Variants in TDRP observed in about 807,000 individuals in gnomAD.
TDRP encodes testis development related protein.
In TDRP, 12 loss-of-function variants were observed where a neutral mutation model predicts 10.5. That is an observed-to-expected ratio of 1.15 (90% confidence interval 0.73 to 1.86). TDRP has a LOEUF of 1.86. Among genes scored for constraint, TDRP ranks in the 40% most tolerant of loss-of-function variants. The pLI is 0.00. For missense variants in TDRP, 353 were observed against 229.2 expected (o/e 1.54, Z -3.49); for synonymous variants, 139 against 95.4 (o/e 1.46, Z -2.67).
At position 537,137 on chromosome 8, in the gene TDRP, G is replaced by C. The variant is rs149796655; in HGVS notation, c.108+7513C>G. On this transcript the variant is annotated intron_variant, in intron 1 of 2. Transcript: ENST00000324079. ...CCGTAATGTGGAAACCCCACACCAGGTACACTCCTCTCAGGGGCACTGCTG... is the reference window on the plus strand; with the variant it reads ...CCGTAATGTGGAAACCCCACACCAGCTACACTCCTCTCAGGGGCACTGCTG... 9.8e-5 allele frequency among the ~76,000 whole-genome samples: 15 copies of C among 152,316 alleles called. No homozygotes were observed. The East Asian group carries it at 2.9e-3, about 29-fold the overall frequency.
At chr8:522,668 G>A (rs1270401760) in intron 1 of TDRP, among the ~76,000 whole-genome samples, 1 of 152,024 alleles carries the variant, frequency 6.6e-6, no homozygotes, top group Non-Finnish European at 1.5e-5. Flanking sequence ...CTTTGTTTGG[G>A]GCTCAGTCCT....
chr8:506,872 G>A (rs979123686), intron 1 of TDRP, among the ~76,000 whole-genome samples: 1 of 152,138 alleles, frequency 6.6e-6, no homozygotes, highest in African/African-American at 2.4e-5. Context: ...AAACATAAGG[G>A]AGCTCTTAGG....
Position 492,701 on chromosome 8 carries a change from A to G in TDRP, c.256T>C (p.Ser86Pro), listed in dbSNP as rs575226579. The change falls in exon 3 of 3, where the codon TCT (serine) becomes CCT (proline). Residue 86 changes from serine to proline, a missense_variant. Ser to Pro is a moderately conservative substitution (Grantham distance 74). Coordinates refer to ENST00000324079, the MANE Select transcript of TDRP (RefSeq NM_001384899.1). ...LKEELKAEKK[S>P]GFWDNLVLKQ... is the part of the protein sequence containing the mutation. ...AAAACCAAATTGTCCCAAAATCCAG[A>G]TTTCTTCTCTGCCTTCAACTCTTCT... 6.2e-7 allele frequency: 1 copy of G among 1,613,814 alleles called. No homozygotes were observed. Among genetic ancestry groups the G allele is most frequent in the East Asian group, 2.2e-5 (1 of 44,878 alleles).
chr8:518,304 A>G (rs910267628), intron 1 of TDRP, among the ~76,000 whole-genome samples: 1 of 152,214 alleles, frequency 6.6e-6, no homozygotes, highest in Admixed American at 6.5e-5. Flanking sequence ...AGTCTATTGA[A>G]AAAGAGAAGA....
At chr8:500,004 G>A (rs908722000) in intron 1 of TDRP, among the ~76,000 whole-genome samples, 2 of 152,126 alleles carry the variant, frequency 1.3e-5, no homozygotes, top group African/African-American at 4.8e-5. Flanking sequence ...ACCTCTTGAG[G>A]ACCAAGAAGA....
At chr8:519,151 C>T (rs745551950) in intron 1 of TDRP, among the ~76,000 whole-genome samples, 1 of 152,148 alleles carries the variant, frequency 6.6e-6, no homozygotes, top group Non-Finnish European at 1.5e-5. Flanking sequence ...ATGAAACCTC[C>T]ATTTAAAAAG....
At chr8:506,848 G>A (rs1801478842) in intron 1 of TDRP, among the ~76,000 whole-genome samples, 1 of 152,200 alleles carries the variant, frequency 6.6e-6, no homozygotes, top group African/African-American at 2.4e-5. Flanking sequence ...TTTGCACAGA[G>A]TGTAGAGAAG....
At chr8:541,499 G>A (rs1158108469) in intron 1 of TDRP, among the ~76,000 whole-genome samples, 1 of 152,136 alleles carries the variant, frequency 6.6e-6, no homozygotes, top group Non-Finnish European at 1.5e-5. Flanking sequence ...AATCTTTATA[G>A]AACACATACA....
Position 544,749 on chromosome 8 carries a change from C to A in TDRP, c.9G>T (p.Lys3Asn). MW[K>N]LGRGRVLLDE... ...CCAGCAGCACTCGGCCCCGGCCCAGCTTCCACATGGTCAGGCGGGCTCCGG... is the reference window on the plus strand; with the variant it reads ...CCAGCAGCACTCGGCCCCGGCCCAGATTCCACATGGTCAGGCGGGCTCCGG... The change falls in exon 1 of 3, where the codon AAG (lysine) becomes AAT (asparagine). Residue 3 changes from lysine (K) to asparagine (N), a missense_variant. Coordinates refer to ENST00000324079, the MANE Select transcript of TDRP (RefSeq NM_001384899.1). 1 of 1,239,378 alleles carries A rather than the reference C, an allele frequency of 8.1e-7. No homozygotes were observed. The highest frequency in any genetic ancestry group is 1.0e-6 in the Non-Finnish European group (1 of 989,946). 76.8% of individuals were successfully genotyped at this position (1,239,378 alleles called of 1,614,324 possible). A position where few individuals can be genotyped will look rare whatever the true frequency, so the allele number is the denominator to read the frequency against.
chr8:517,074 A>C (rs1456137064), intron 1 of TDRP, among the ~76,000 whole-genome samples: 1 of 152,156 alleles, frequency 6.6e-6, no homozygotes, highest in Non-Finnish European at 1.5e-5. Flanking sequence ...GGAAGGAGGA[A>C]GTCAGACATG....
intron 1 of TDRP, among the ~76,000 whole-genome samples, chr8:518,983 G>A (rs183790014): frequency 6.6e-6 from 1 of 152,266 alleles, no homozygotes; most frequent in African/African-American, 2.4e-5. Context: ...TAGAGCTTCA[G>A]GATGGAGTCT....
intron 1 of TDRP, among the ~76,000 whole-genome samples, chr8:543,799 C>A (rs193019309): frequency 1.7e-4 from 26 of 152,210 alleles, no homozygotes; most frequent in African/African-American, 5.1e-4. Flanking sequence ...ATATTCCATT[C>A]GGCCTTAACA....
At chr8:501,607 A>G (rs1007232393) in intron 1 of TDRP, among the ~76,000 whole-genome samples, 1 of 152,142 alleles carries the variant, frequency 6.6e-6, no homozygotes, top group Non-Finnish European at 1.5e-5. Flanking sequence ...TCAGCCTCCC[A>G]AAGTGCTGGG....
intron 1 of TDRP, among the ~76,000 whole-genome samples, chr8:499,224 G>GTT (rs1563117108): frequency 6.9e-6 from 1 of 144,700 alleles, no homozygotes; most frequent in Non-Finnish European, 1.5e-5. Context: ...TTCAAACAAC[G>GTT]TTTTTGTTTT....
chr8:538,877 A>C (rs546890488), intron 1 of TDRP, among the ~76,000 whole-genome samples: 19 of 152,224 alleles, frequency 1.2e-4, no homozygotes, highest in Non-Finnish European at 2.8e-4. Flanking sequence ...ACTGGTGAGA[A>C]ACATTCGCAT....
intron 1 of TDRP, 78 bp from the exon 2 acceptor site, chr8:494,675 G>T: frequency 2.3e-6 from 3 of 1,318,930 alleles, no homozygotes; most frequent in Middle Eastern, 1.9e-4. Context: ...AATAACCATG[G>T]AGTTGAAATT....
intron 1 of TDRP, among the ~76,000 whole-genome samples, chr8:532,282 T>C (rs79804569): frequency 0.051 from 7,696 of 152,256 alleles, 224 homozygotes; most frequent in African/African-American, 0.068. Context: ...TGAAGGATGC[T>C]GGGACTTCAG....
At chr8:507,733 C>G (rs1213437913) in intron 1 of TDRP, among the ~76,000 whole-genome samples, 2 of 152,152 alleles carry the variant, frequency 1.3e-5, no homozygotes, top group African/African-American at 2.4e-5. Flanking sequence ...ACAACAGCAA[C>G]AATGGGAAAG....
upstream of TDRP, chr8:544,867 G>C (rs1802597301): frequency 1.3e-6 from 1 of 769,924 alleles, no homozygotes; most frequent in Non-Finnish European, 1.7e-6. Context: ...GGGCCCAGTG[G>C]GCCGGGCGGG....
Sources: gnomAD v4.1 joint callset for allele counts (sites outside exome capture counted in the v4.1 genomes callset) on GRCh38, gnomAD v4.1.1 for gene constraint, MANE v1.5 for transcripts, NCBI Gene and HGNC (gene_info 2026-07-23, HGNC 2026-07-21) for gene names.